The following RAB3C variants were observed in gnomAD, a reference collection of about 807,000 sequenced individuals.
RAB3C encodes the protein ras-related protein Rab-3C.
In RAB3C, 17 loss-of-function variants were observed where a neutral mutation model predicts 26.4. The ratio of observed to expected loss-of-function variants is 0.64; its 90% CI spans 0.44 to 0.97. RAB3C has a LOEUF of 0.97. Among genes scored for constraint, RAB3C ranks in the 50% least tolerant of loss-of-function variants. RAB3C has a pLI of 0.00. For missense variants in RAB3C, 242 were observed against 281.9 expected (o/e 0.86, Z 1.01); for synonymous variants, 91 against 95.9 (o/e 0.95, Z 0.30).
chr5:58,761,059 T>TCACACACA lies in RAB3C; in HGVS notation c.371+34940_371+34941insACACACAC, dbSNP rs777146349. On this transcript the variant is annotated intron_variant, in intron 3 of 4. Coordinates refer to ENST00000282878, the MANE Select transcript of RAB3C (RefSeq NM_138453.4). ...CTCTCTCTCTCTCTCCCTCTCTCTC[T>TCACACACA]CTCTCACACACACACACACACACAC... 2.0e-3 allele frequency among the ~76,000 whole-genome samples: 138 copies of TCACACACA among 68,654 alleles called. 1 individual carries two copies. The highest frequency in any genetic ancestry group is 5.9e-3 in the African/African-American group (123 of 20,696). The allele number at this position is 68,654 out of a possible 152,430, so 45.0% of individuals were successfully genotyped here.
chr5:58,843,604 T>C (rs1290163673), intron 4 of RAB3C, among the ~76,000 whole-genome samples: 1 of 152,226 alleles, frequency 6.6e-6, no homozygotes, highest in Non-Finnish European at 1.5e-5. Flanking sequence ...CTCAGCACTT[T>C]AATAGTTCTT....
At chr5:58,715,439 G>A (rs559678565) in intron 2 of RAB3C, among the ~76,000 whole-genome samples, 3 of 151,792 alleles carry the variant, frequency 2.0e-5, no homozygotes, top group Non-Finnish European at 4.4e-5. Flanking sequence ...TTAAAAGTAC[G>A]GAAGGGAATT....
intron 3 of RAB3C, among the ~76,000 whole-genome samples, chr5:58,807,618 G>C (rs1303762558): frequency 4.6e-5 from 7 of 152,152 alleles, no homozygotes; most frequent in African/African-American, 1.7e-4. Context: ...GGTAGAGAGA[G>C]AGTAGGAGAT....
chr5:58,783,968 G>T (rs1579916512), intron 3 of RAB3C, among the ~76,000 whole-genome samples: 1 of 152,128 alleles, frequency 6.6e-6, no homozygotes, highest in African/African-American at 2.4e-5. Flanking sequence ...ATATTCTGTT[G>T]TGAGCCAGGA....
In RAB3C at chr5:58,853,726, T is replaced by A. The variant is rs1481725957; in HGVS notation, c.*2375T>A. ...GTCATTGCCAAGAAACATCTGATAC[T>A]TTCTAATTTCTAAACCCCAATGGAA... On this transcript the variant is annotated 3_prime_UTR_variant, in exon 5 of 5. Transcript: ENST00000282878. 1 of 152,162 alleles carries A rather than the reference T, an allele frequency of 6.6e-6. No individual in the cohort carries two copies. Among genetic ancestry groups the A allele is most frequent in the African/African-American group, 2.4e-5 (1 of 41,428 alleles). 9.4% of individuals were successfully genotyped at this position (152,162 alleles called of 1,614,324 possible).
intron 3 of RAB3C, among the ~76,000 whole-genome samples, chr5:58,730,966 G>T (rs1012199046): frequency 6.6e-6 from 1 of 152,114 alleles, no homozygotes; most frequent in African/African-American, 2.4e-5. Flanking sequence ...AAGAAAGCAT[G>T]TTCAGGGGAG....
chr5:58,673,771 A>G (rs1748170287), intron 2 of RAB3C, among the ~76,000 whole-genome samples: 1 of 152,204 alleles, frequency 6.6e-6, no homozygotes, highest in Non-Finnish European at 1.5e-5. Flanking sequence ...CTTTTTGTGT[A>G]TCTGCATGTG....
chr5:58,706,540 C>T (rs1156611839), intron 2 of RAB3C, among the ~76,000 whole-genome samples: 1 of 152,118 alleles, frequency 6.6e-6, no homozygotes, highest in Non-Finnish European at 1.5e-5. Context: ...AATAAAGTAT[C>T]TCTAACATTC....
chr5:58,614,384 A>G (rs1746779686), intron 1 of RAB3C, among the ~76,000 whole-genome samples: 1 of 152,028 alleles, frequency 6.6e-6, no homozygotes, highest in Non-Finnish European at 1.5e-5. Context: ...TTATTTCATT[A>G]TTCTGAAGTT....
intron 4 of RAB3C, among the ~76,000 whole-genome samples, chr5:58,847,672 G>C (rs537590830): frequency 3.3e-5 from 5 of 151,948 alleles, no homozygotes; most frequent in African/African-American, 1.2e-4. Context: ...AGACTGATTC[G>C]CTTGGATAGA....
At chr5:58,741,769 C>A (rs1741279251) in intron 3 of RAB3C, 1 of 151,956 alleles carries the variant, frequency 6.6e-6, no homozygotes, top group South Asian at 2.1e-4. Flanking sequence ...TTTTGAGAGG[C>A]CGAGGCAGGT....
At chr5:58,612,633 G>A (rs1037680688) in intron 1 of RAB3C, among the ~76,000 whole-genome samples, 1 of 149,872 alleles carries the variant, frequency 6.7e-6, no homozygotes, top group African/African-American at 2.5e-5. Flanking sequence ...ACTGTTATTG[G>A]TGTTTAGGAA....
In RAB3C at chr5:58,614,198, A is replaced by G. The variant is rs16888275; in HGVS notation, c.25-3445A>G. Among the ~76,000 whole-genome samples the G allele has an allele frequency of 6.9e-3, 1,046 of 152,206 alleles. 20 individuals are homozygous for G. The highest frequency in any genetic ancestry group is 0.023 in the African/African-American group (968 of 41,556). ...CTGTTCCTATTTTCAAATTTCAGCT[A>G]TGTTTCCCCATGAAAATTTTGAGAA... On this transcript the variant is annotated intron_variant, in intron 1 of 4. Coordinates refer to ENST00000282878, the MANE Select transcript of RAB3C (RefSeq NM_138453.4).
intron 1 of RAB3C, among the ~76,000 whole-genome samples, chr5:58,600,896 T>G (rs1344328268): frequency 1.3e-5 from 2 of 152,134 alleles, no homozygotes; most frequent in Non-Finnish European, 2.9e-5. Context: ...AGAGGAGTGG[T>G]GAGAGTGGGC....
At chr5:58,794,133 A>T (rs1201269839) in intron 3 of RAB3C, among the ~76,000 whole-genome samples, 3 of 152,214 alleles carry the variant, frequency 2.0e-5, no homozygotes, top group Non-Finnish European at 4.4e-5. Flanking sequence ...CACTAAAGTT[A>T]TACCAGCAAA....
At chr5:58,666,197 T>C (rs971061453) in intron 2 of RAB3C, among the ~76,000 whole-genome samples, 1 of 152,232 alleles carries the variant, frequency 6.6e-6, no homozygotes, top group African/African-American at 2.4e-5. Context: ...TAATATTCAA[T>C]GTCCCTCAGG....
Position 58,855,209 on chromosome 5 carries a change from G to A in RAB3C, c.*3858G>A, listed in dbSNP as rs1468143954. 2 of 152,102 alleles carry A rather than the reference G, an allele frequency of 1.3e-5. No individual in the cohort carries two copies. Among genetic ancestry groups the A allele is most frequent in the Non-Finnish European group, 2.9e-5 (2 of 68,022 alleles). 9.4% of individuals were successfully genotyped at this position (152,102 alleles called of 1,614,324 possible). ...ATTAAAAGCATATCCAAACTACCAA[G>A]CTATACCAAGCTGAGGTAGGTAACA... On this transcript the variant is annotated 3_prime_UTR_variant, in exon 5 of 5. Transcript: ENST00000282878.
chr5:58,610,194 C>CTGTGTGTGTGTGTGTGTGTG (rs1168785442), intron 1 of RAB3C, among the ~76,000 whole-genome samples: 5,026 of 143,420 alleles, frequency 0.035, 123 homozygotes, highest in East Asian at 0.057. Flanking sequence ...TTTTGTTTTT[C>CTGTGTGTGTGTGTGTGTGTG]TGTGTGTGTG....
At chr5:58,705,215 A>G (rs1261871874) in intron 2 of RAB3C, among the ~76,000 whole-genome samples, 3 of 152,190 alleles carry the variant, frequency 2.0e-5, no homozygotes, top group Non-Finnish European at 4.4e-5. Flanking sequence ...AGAATAAACA[A>G]CTAGTAGAAT....
Sources: gnomAD v4.1 joint callset for allele counts (sites outside exome capture counted in the v4.1 genomes callset) on GRCh38, gnomAD v4.1.1 for gene constraint, MANE v1.5 for transcripts, NCBI Gene and HGNC (gene_info 2026-07-23, HGNC 2026-07-21) for gene names.